PACRG: variants seen among roughly 807,000 people sequenced by gnomAD.
PACRG encodes parkin coregulated, also known as parkin coregulated gene protein.
In PACRG, 29 loss-of-function variants were observed where a neutral mutation model predicts 29.7. The observed-to-expected ratio is 0.98, with a 90% CI of 0.73 to 1.33. The LOEUF is 1.33. Ranked by LOEUF, PACRG falls within the 40% of genes most tolerant of loss-of-function variation. The probability of loss-of-function intolerance (pLI) is 0.00; values close to 1 mark genes in which losing one functional copy is unlikely to be tolerated. For synonymous variants in PACRG, 116 were observed against 118.7 expected, an observed-to-expected ratio of 0.98 and a Z score of 0.15; for missense variants, 279 against 316.2, an observed-to-expected ratio of 0.88 and a Z score of 0.89.
At chr6:163,103,370 A>G (rs1815206057) in intron 4 of PACRG, among the ~76,000 whole-genome samples, 1 of 152,192 alleles carries the variant, frequency 6.6e-6, no homozygotes, top group Non-Finnish European at 1.5e-5. Flanking sequence ...CTTCAAAGCC[A>G]GCAATGGAGG....
intron 2 of PACRG, among the ~76,000 whole-genome samples, chr6:162,931,860 A>G (rs752253265): frequency 4.6e-5 from 7 of 152,046 alleles, no homozygotes; most frequent in Non-Finnish European, 7.4e-5. Context: ...AGTTTCTCAA[A>G]AAGTCAAAGA....
At chr6:162,834,625 A>T (rs557190041) in intron 2 of PACRG, among the ~76,000 whole-genome samples, 1 of 151,828 alleles carries the variant, frequency 6.6e-6, no homozygotes, top group East Asian at 1.9e-4. Flanking sequence ...ATAATTGCAA[A>T]GGGTATCTAG....
chr6:163,227,402 C>A (rs1375641436), intron 4 of PACRG, among the ~76,000 whole-genome samples: 1 of 152,192 alleles, frequency 6.6e-6, no homozygotes, highest in East Asian at 1.9e-4. Flanking sequence ...CCCACCAGGC[C>A]TCGCCTCCAA....
intron 3 of PACRG, among the ~76,000 whole-genome samples, chr6:163,063,162 GCTA>G (rs1310839868): frequency 6.6e-6 from 1 of 152,088 alleles, no homozygotes; most frequent in Non-Finnish European, 1.5e-5. Flanking sequence ...TGCTGCTACT[GCTA>G]CTACTAATTA....
At chr6:162,905,534 C>A (rs1387104691) in intron 2 of PACRG, among the ~76,000 whole-genome samples, 1 of 152,018 alleles carries the variant, frequency 6.6e-6, no homozygotes, top group Non-Finnish European at 1.5e-5. Flanking sequence ...AGATTGAAGC[C>A]GAGAGAGACA....
At chr6:162,995,654 G>A (rs1192109616) in intron 2 of PACRG, among the ~76,000 whole-genome samples, 6 of 152,238 alleles carry the variant, frequency 3.9e-5, no homozygotes, top group Non-Finnish European at 5.9e-5. Context: ...ACTCCCTAGT[G>A]AGATGAACCC....
In PACRG at chr6:162,815,231, C is replaced by A. The variant is rs558322509; in HGVS notation, c.291+950C>A. Among the ~76,000 whole-genome samples the A allele has an allele frequency of 1.1e-4, 17 of 151,936 alleles. No homozygotes were observed. The South Asian group carries it at 3.5e-3, about 32-fold the overall frequency. ...CAATTGACACATTTAACTGGGAAGTCCAGCAGTCGTGACCAAAAGCAAATC... is the reference window on the plus strand; with the variant it reads ...CAATTGACACATTTAACTGGGAAGTACAGCAGTCGTGACCAAAAGCAAATC... On this transcript the variant is annotated intron_variant, in intron 2 of 4. Transcript: ENST00000366888.
intron 2 of PACRG, among the ~76,000 whole-genome samples, chr6:163,060,284 CA>C (rs544614468): frequency 7.6e-4 from 116 of 151,870 alleles, no homozygotes; most frequent in African/African-American, 2.6e-3. Context: ...CAAAACATAC[CA>C]AAAATGTTTT....
chr6:163,102,717 C>T lies in PACRG; in HGVS notation c.613+13309C>T, dbSNP rs570768225. On this transcript the variant is annotated intron_variant, in intron 4 of 4. Coordinates refer to ENST00000366888, the MANE Select transcript of PACRG (RefSeq NM_001080379.2). Reference sequence around the variant, plus strand: ...TGAAGCTACCTACCAACTAGATTTGCGAGTCCACCCAAATGTGTATGACAT... The same window carrying T: ...TGAAGCTACCTACCAACTAGATTTGTGAGTCCACCCAAATGTGTATGACAT... 1.3e-4 allele frequency among the ~76,000 whole-genome samples: 19 copies of T among 141,364 alleles called. No individual in the cohort carries two copies. In the South Asian group the frequency reaches 3.7e-3, roughly 28 times the overall value. The allele number at this position is 141,364 out of a possible 152,430, so 92.7% of individuals were successfully genotyped here.
intron 4 of PACRG, among the ~76,000 whole-genome samples, chr6:163,204,323 T>G (rs1318091338): frequency 6.6e-6 from 1 of 152,244 alleles, no homozygotes; most frequent in Non-Finnish European, 1.5e-5. Flanking sequence ...TCCTTATAAA[T>G]TTGAATCCAC....
Position 163,199,531 on chromosome 6 carries a change from T to A in PACRG, c.613+110123T>A, listed in dbSNP as rs181639251. ...ACAGAGCAGGCAAGGACCTAGGCCT[T>A]GATCACACAGGCAGGAAAGAGCTGA... On this transcript the variant is annotated intron_variant, in intron 4 of 4. Coordinates refer to ENST00000366888, the MANE Select transcript of PACRG (RefSeq NM_001080379.2). Among the ~76,000 whole-genome samples, 3 of 152,304 alleles carry A rather than the reference T, an allele frequency of 2.0e-5. No homozygotes were observed. The East Asian group carries it at 5.8e-4, about 29-fold the overall frequency.
intron 2 of PACRG, among the ~76,000 whole-genome samples, chr6:162,854,458 A>G (rs931044755): frequency 6.6e-6 from 1 of 152,172 alleles, no homozygotes; most frequent in Non-Finnish European, 1.5e-5. Context: ...TGTGACCTCC[A>G]GATAATGCTG....
intron 2 of PACRG, among the ~76,000 whole-genome samples, chr6:163,059,413 G>A (rs981190711): frequency 2.0e-5 from 3 of 152,156 alleles, no homozygotes; most frequent in East Asian, 3.8e-4. Context: ...AAAATCTAAT[G>A]TCAGAGGAAG....
At chr6:163,129,083 A>G (rs1337291199) in intron 4 of PACRG, among the ~76,000 whole-genome samples, 1 of 152,160 alleles carries the variant, frequency 6.6e-6, no homozygotes, top group Non-Finnish European at 1.5e-5. Context: ...GTTTCTTAAA[A>G]TGTGTCCATG....
intron 2 of PACRG, among the ~76,000 whole-genome samples, chr6:162,965,468 TTCTA>T (rs1800950532): frequency 6.6e-6 from 1 of 152,222 alleles, no homozygotes; most frequent in African/African-American, 2.4e-5. Flanking sequence ...AGATGGTGCC[TTCTA>T]TCTGTCTTCA....
intron 4 of PACRG, among the ~76,000 whole-genome samples, chr6:163,167,899 T>C (rs1387699991): frequency 6.6e-6 from 1 of 152,224 alleles, no homozygotes; most frequent in African/African-American, 2.4e-5. Flanking sequence ...CACACAAAAG[T>C]GAACTGCTGT....
At chr6:163,300,658 T>C (rs1422677912) in intron 4 of PACRG, among the ~76,000 whole-genome samples, 1 of 152,240 alleles carries the variant, frequency 6.6e-6, no homozygotes. Context: ...TTAAGTGCCT[T>C]TAGTGCCTCA....
At chr6:163,249,632 G>A (rs12193743) in intron 4 of PACRG, among the ~76,000 whole-genome samples, 2,990 of 152,280 alleles carry the variant, frequency 0.02, 39 homozygotes, top group Non-Finnish European at 0.03. Context: ...GGACCTAGTG[G>A]TCTCCGGGTG....
chr6:163,225,738 A>G (rs1461711223), intron 4 of PACRG, among the ~76,000 whole-genome samples: 1 of 152,240 alleles, frequency 6.6e-6, no homozygotes, highest in African/African-American at 2.4e-5. Context: ...TTAAATCAGT[A>G]TGTTGAAGAG....
Sources: allele counts gnomAD v4.1 joint callset (sites outside exome capture counted in the v4.1 genomes callset), GRCh38; gene constraint gnomAD v4.1.1; transcripts MANE v1.5; gene names NCBI Gene and HGNC (gene_info 2026-07-23, HGNC 2026-07-21).